RNF144A: variants seen among roughly 807,000 people sequenced by gnomAD.
RNF144A encodes the protein E3 ubiquitin-protein ligase RNF144A.
Under a neutral mutation model 38.7 loss-of-function variants are expected in RNF144A, and 11 were observed. The ratio of observed to expected loss-of-function variants is 0.28; its 90% confidence interval spans 0.18 to 0.47. RNF144A has a LOEUF of 0.47. Among genes scored for constraint, RNF144A ranks in the 20% least tolerant of loss-of-function variants. The pLI, the probability that RNF144A is intolerant of heterozygous loss-of-function variation, is 0.99. For synonymous variants in RNF144A, 149 were observed against 143.9 expected (o/e 1.04, Z -0.25); for missense variants, 316 against 377.2 (o/e 0.84, Z 1.34).
chr2:6,951,791 C>T (rs190412124), intron 2 of RNF144A, among the ~76,000 whole-genome samples: 1 of 152,232 alleles, frequency 6.6e-6, no homozygotes, highest in East Asian at 1.9e-4. Flanking sequence ...AGTCACTTTA[C>T]CAAACCTTTG....
rs1671657549 is a variant in RNF144A, at chr2:7,023,292, C to T, written c.510-1077C>T. On this transcript the variant is annotated intron_variant, in intron 6 of 8. Transcript: ENST00000320892. ...GTTCACTGCCAATCATCAGACAGCT[C>T]CTACTAAAGTGAAACTACATTTAAT... 2.6e-5 allele frequency among the ~76,000 whole-genome samples: 4 copies of T among 152,260 alleles called. No individual in the cohort carries two copies. In the South Asian group the frequency reaches 6.2e-4, roughly 24 times the overall value.
intron 6 of RNF144A, among the ~76,000 whole-genome samples, chr2:7,022,872 T>G (rs1380490120): frequency 1.3e-5 from 2 of 152,246 alleles, no homozygotes; most frequent in Non-Finnish European, 2.9e-5. Flanking sequence ...TATCACATTC[T>G]GCATGACCAG....
chr2:7,051,643 C>T (rs1278364355), intron 6 of RNF144A, among the ~76,000 whole-genome samples: 2 of 152,196 alleles, frequency 1.3e-5, no homozygotes, highest in East Asian at 3.9e-4. Context: ...AATCCCAGCA[C>T]TTTGGGAGGC....
At chr2:7,051,342 G>A (rs750019299) in intron 6 of RNF144A, among the ~76,000 whole-genome samples, 2 of 152,164 alleles carry the variant, frequency 1.3e-5, no homozygotes, top group Non-Finnish European at 2.9e-5. Flanking sequence ...GCAGGTGGAC[G>A]GGGTAGAGCG....
downstream of RNF144A, among the ~76,000 whole-genome samples, chr2:7,072,368 C>A (rs1338962907): frequency 1.3e-5 from 2 of 152,184 alleles, no homozygotes; most frequent in Non-Finnish European, 2.9e-5. Context: ...AATTTCAAAG[C>A]AAAGTGTGGA....
intron 6 of RNF144A, among the ~76,000 whole-genome samples, chr2:7,066,759 G>A (rs537662100): frequency 6.6e-6 from 1 of 152,104 alleles, no homozygotes; most frequent in South Asian, 2.1e-4. Context: ...GTTTTCTTCC[G>A]GGTGAATAAA....
intron 1 of RNF144A, among the ~76,000 whole-genome samples, chr2:6,929,890 T>G (rs1411690332): frequency 1.3e-5 from 2 of 152,182 alleles, no homozygotes; most frequent in Non-Finnish European, 2.9e-5. Flanking sequence ...GCTAAAAAAG[T>G]GCATTTTCGA....
At chr2:6,919,947 C>T (rs1341543017) in intron 1 of RNF144A, among the ~76,000 whole-genome samples, 3 of 152,144 alleles carry the variant, frequency 2.0e-5, no homozygotes, top group Non-Finnish European at 2.9e-5. Flanking sequence ...AAATAGATTC[C>T]AGTGCCCTCA....
At chr2:6,995,285 AC>A (rs1403078806) in intron 2 of RNF144A, among the ~76,000 whole-genome samples, 5 of 151,714 alleles carry the variant, frequency 3.3e-5, no homozygotes, top group Non-Finnish European at 7.4e-5. Context: ...TCCCAAACCT[AC>A]CTGTGGCACA....
At chr2:7,009,024 C>T (rs896788) in intron 3 of RNF144A, among the ~76,000 whole-genome samples, 36,007 of 152,182 alleles carry the variant, frequency 0.24, 5,277 homozygotes, top group East Asian at 0.65. Context: ...CACCAGCCAC[C>T]GTGTGAGGGC....
In RNF144A at chr2:7,040,032, C is replaced by A; in HGVS notation, c.*272C>A. 8.6e-7 allele frequency: 1 copy of A among 1,168,314 alleles called. No homozygotes were observed. Among genetic ancestry groups the A allele is most frequent in the African/African-American group, 1.6e-5 (1 of 62,522 alleles). The allele number at this position is 1,168,314 out of a possible 1,614,324, so 72.4% of individuals were successfully genotyped here. A position where few individuals can be genotyped will look rare whatever the true frequency, so the allele number is the denominator to read the frequency against. On this transcript the variant is annotated 3_prime_UTR_variant, in exon 9 of 9. Transcript: ENST00000320892. ...CAGGGAGGTGCTGTGAGAAGTGCAC[C>A]AGGCAGCTTTCTCTCTGTGGTAGAC...
In RNF144A at chr2:6,931,569, T is replaced by C. The variant is rs190522677; in HGVS notation, c.-211-9379T>C. On this transcript the variant is annotated intron_variant, in intron 1 of 8. Transcript: ENST00000320892. ...AAGTATTTGACCCATGTCATTTTTT[T>C]CCTAGTTTTCAGTTAAAGATAGCCT... Among the ~76,000 whole-genome samples the C allele has an allele frequency of 2.8e-4, 42 of 152,386 alleles. No homozygotes were observed. In the East Asian group the frequency reaches 7.9e-3, roughly 29 times the overall value.
downstream of RNF144A, among the ~76,000 whole-genome samples, chr2:7,070,256 A>C (rs1275649451): frequency 2.0e-5 from 3 of 151,984 alleles, no homozygotes; most frequent in Non-Finnish European, 4.4e-5. Context: ...TGTAGGTTTG[A>C]CCTCTCTGGA....
At position 7,053,734 on chromosome 2, in the gene RNF144A, T is replaced by C. The variant is rs1312775018; in HGVS notation, c.735-14482T>C. Among the ~76,000 whole-genome samples, 4 of 152,232 alleles carry C rather than the reference T, an allele frequency of 2.6e-5. No individual in the cohort carries two copies. In the East Asian group the frequency reaches 7.7e-4, roughly 29 times the overall value. On this transcript the variant is annotated intron_variant, in intron 6 of 6. Transcript: ENST00000432850. ...CATTTGTAAGGTACATGGATATGCTTTGGTTAAGAATTAGGCTGAGCAGAT... is the reference window on the plus strand; with the variant it reads ...CATTTGTAAGGTACATGGATATGCTCTGGTTAAGAATTAGGCTGAGCAGAT...
At chr2:7,008,770 C>T (rs1670612645) in intron 3 of RNF144A, among the ~76,000 whole-genome samples, 1 of 152,226 alleles carries the variant, frequency 6.6e-6, no homozygotes, top group Admixed American at 6.5e-5. Context: ...GTCCTGCTGT[C>T]GTGCCTTGCT....
chr2:7,026,689 G>C (rs1671923636), intron 7 of RNF144A, among the ~76,000 whole-genome samples: 1 of 152,172 alleles, frequency 6.6e-6, no homozygotes, highest in Non-Finnish European at 1.5e-5. Context: ...ACAGAAGTTT[G>C]GTTTCCCCAG....
rs151162098 is a variant in RNF144A, at chr2:6,990,330, C to T, written c.-11-6586C>T. The stretch of plus-strand genomic sequence containing the variant: ...CTATTGGATTACGGTCCCACCCTTA[C>T]GAGCTCATTTAACCTTAATTTAACC... On this transcript the variant is annotated intron_variant, in intron 2 of 8. Coordinates refer to ENST00000320892, the MANE Select transcript of RNF144A (RefSeq NM_014746.6). Among the ~76,000 whole-genome samples, 92 of 150,196 alleles carry T rather than the reference C, an allele frequency of 6.1e-4. No individual in the cohort carries two copies. In the East Asian group the frequency reaches 0.017, roughly 28 times the overall value.
At chr2:6,972,902 C>A (rs1213163791) in intron 2 of RNF144A, among the ~76,000 whole-genome samples, 3 of 152,178 alleles carry the variant, frequency 2.0e-5, no homozygotes, top group Non-Finnish European at 4.4e-5. Context: ...ATGGTAGACA[C>A]CAGCACCAGT....
chr2:7,067,720 CA>C (rs1188388832), intron 6 of RNF144A, among the ~76,000 whole-genome samples: 2 of 152,170 alleles, frequency 1.3e-5, no homozygotes, highest in Non-Finnish European at 2.9e-5. Context: ...GAAGGACTAA[CA>C]AAAACTCCTT....
Sources: allele counts gnomAD v4.1 joint callset (sites outside exome capture counted in the v4.1 genomes callset), GRCh38; gene constraint gnomAD v4.1.1; transcripts MANE v1.5; gene names NCBI Gene and HGNC (gene_info 2026-07-23, HGNC 2026-07-21).